Variants in OTUD3 observed in about 807,000 individuals in gnomAD.
OTUD3 encodes the protein OTU deubiquitinase 3.
In OTUD3, 24 loss-of-function variants were observed where a neutral mutation model predicts 46.2. The observed-to-expected ratio is 0.52, with a 90% CI of 0.38 to 0.73. OTUD3 has a LOEUF of 0.73. Among genes scored for constraint, OTUD3 ranks in the 30% least tolerant of loss-of-function variants. The pLI is 0.00. For missense variants in OTUD3, 455 were observed against 523.3 expected (o/e 0.87, Z 1.27); for synonymous variants, 189 against 195.4 (o/e 0.97, Z 0.27).
Position 19,904,986 on chromosome 1 carries a change from TAGTA to T in OTUD3, c.835+3_835+6del. 1.4e-6 allele frequency: 2 copies of T among 1,463,574 alleles called. No individual in the cohort carries two copies. Among genetic ancestry groups the T allele is most frequent in the Non-Finnish European group, 1.9e-6 (2 of 1,049,376 alleles). 90.7% of individuals were successfully genotyped at this position (1,463,574 alleles called of 1,614,324 possible). On this transcript the variant is annotated splice_donor_variant and splice_donor_region_variant and coding_sequence_variant and intron_variant, in exon 6 of 8. Transcript: ENST00000375120. LOFTEE classifies it high-confidence loss of function. ...TTCGGATGAACCAAGGGAAGAGAAA[TAGTA>T]AGTCCATGACTAATATTTATAGATC... is the stretch of plus-strand genomic sequence containing the variant.
chr1:19,905,231 G>A (rs1366304475), intron 6 of OTUD3, among the ~76,000 whole-genome samples: 1 of 152,088 alleles, frequency 6.6e-6, no homozygotes, highest in Non-Finnish European at 1.5e-5. Context: ...TACATAATGG[G>A]GTTGGGAGTA....
Position 19,907,975 on chromosome 1 carries a change from TA to T in OTUD3, c.*230del. The T allele has an allele frequency of 2.4e-6, 1 of 413,614 alleles. No homozygotes were observed. Among genetic ancestry groups the T allele is most frequent in the Non-Finnish European group, 4.3e-6 (1 of 232,740 alleles). The allele number at this position is 413,614 out of a possible 1,614,324, so 25.6% of individuals were successfully genotyped here. On this transcript the variant is annotated 3_prime_UTR_variant, in exon 8 of 8. Coordinates refer to ENST00000375120, the MANE Select transcript of OTUD3 (RefSeq NM_015207.2). ...CAGTGAGGCCATTCATATTCTGTAA[TA>T]CAAAATTAAAATACTGAGTTTTAGG...
At position 19,909,546 on chromosome 1, in the gene OTUD3, G is replaced by T. The variant is rs992523357; in HGVS notation, c.*1800G>T. ...TGCGTTAGGATCTATGGTTGTCTTGGTTTTCAACTCTGGGCAGATTCCTGA... is the reference window on the plus strand; with the variant it reads ...TGCGTTAGGATCTATGGTTGTCTTGTTTTTCAACTCTGGGCAGATTCCTGA... On this transcript the variant is annotated 3_prime_UTR_variant, in exon 8 of 8. Coordinates refer to ENST00000375120, the MANE Select transcript of OTUD3 (RefSeq NM_015207.2). 12 of 152,300 alleles carry T rather than the reference G, an allele frequency of 7.9e-5. No homozygotes were observed. The highest frequency in any genetic ancestry group is 2.7e-4 in the African/African-American group (11 of 41,440). The allele number at this position is 152,300 out of a possible 1,614,324, so 9.4% of individuals were successfully genotyped here. A position where few individuals can be genotyped will look rare whatever the true frequency, so the allele number is the denominator to read the frequency against.
At chr1:19,900,199 C>CTTTA (rs906222180) in intron 4 of OTUD3, among the ~76,000 whole-genome samples, 1 of 151,962 alleles carries the variant, frequency 6.6e-6, no homozygotes, top group African/African-American at 2.4e-5. Context: ...CATAGTTTCA[C>CTTTA]TTTATTTATT....
intron 1 of OTUD3, among the ~76,000 whole-genome samples, chr1:19,887,812 T>C (rs925465672): frequency 5.3e-5 from 8 of 152,162 alleles, no homozygotes; most frequent in Admixed American, 4.6e-4. Context: ...ATACAGTAAC[T>C]AGAATGGTAC....
In OTUD3 at chr1:19,907,480, A is replaced by G. The variant is rs1029204563; in HGVS notation, c.1021-90A>G. 98 of 1,269,094 alleles carry G rather than the reference A, an allele frequency of 7.7e-5. 1 individual carries two copies. The highest frequency in any genetic ancestry group is 1.9e-4 in the Admixed American group (10 of 51,322). The allele number at this position is 1,269,094 out of a possible 1,614,324, so 78.6% of individuals were successfully genotyped here. The stretch of plus-strand genomic sequence containing the variant: ...TTTTCCCTGTTCCTGCTGAAAAGCA[A>G]TCTGTGCCCTTTGCCACCATCTCCC... On this transcript the variant is annotated intron_variant, in intron 7 of 7. Transcript: ENST00000375120.
chr1:19,895,215 T>C (rs576387332), intron 3 of OTUD3, among the ~76,000 whole-genome samples: 1 of 152,230 alleles, frequency 6.6e-6, no homozygotes, highest in African/African-American at 2.4e-5. Context: ...TTTTTTCATA[T>C]GACACCTGCA....
intron 2 of OTUD3, among the ~76,000 whole-genome samples, chr1:19,893,260 C>A (rs2045473377): frequency 6.6e-6 from 1 of 152,144 alleles, no homozygotes; most frequent in South Asian, 2.1e-4. Context: ...TGGGGTCTCC[C>A]AGAACCTCCC....
At position 19,908,927 on chromosome 1, in the gene OTUD3, TTTGG is replaced by T. The variant is rs1431034628; in HGVS notation, c.*1185_*1188del. ...TGGACCAGCAGAGAAGAGAACATAC[TTTGG>T]TTGAGGCCTTCGAATCACTCTTCAG... On this transcript the variant is annotated 3_prime_UTR_variant, in exon 8 of 8. Transcript: ENST00000375120. 1.3e-5 allele frequency: 2 copies of T among 152,338 alleles called. No homozygotes were observed. The highest frequency in any genetic ancestry group is 2.1e-4 in the South Asian group (1 of 4,828). The allele number at this position is 152,338 out of a possible 1,614,324, so 9.4% of individuals were successfully genotyped here.
chr1:19,896,979 A>C (rs1180185625), intron 3 of OTUD3, among the ~76,000 whole-genome samples: 1 of 152,176 alleles, frequency 6.6e-6, no homozygotes, highest in Non-Finnish European at 1.5e-5. Context: ...GATGTTTCTC[A>C]TTTAGGTGGT....
chr1:19,903,007 A>G (rs2045610707), intron 4 of OTUD3, among the ~76,000 whole-genome samples: 1 of 149,734 alleles, frequency 6.7e-6, no homozygotes, highest in South Asian at 2.1e-4. Flanking sequence ...CACTATAAGT[A>G]ACACTGTTAG....
rs763789089 is a variant in OTUD3, at chr1:19,882,678, C to T, written c.165C>T (p.Ser55=). The part of the protein sequence containing the change: ...GGGGCEEEFV[S]FANQLQALGL... ...GCGGCTGCGAGGAGGAGTTCGTCAG[C>T]TTCGCCAACCAGCTGCAGGCCCTGG... The change falls in exon 1 of 8, where the codon AGC becomes AGT. Residue 55 remains serine (S), a synonymous_variant. Coordinates refer to ENST00000375120, the MANE Select transcript of OTUD3 (RefSeq NM_015207.2). 117 of 1,456,876 alleles carry T rather than the reference C, an allele frequency of 8.0e-5. No homozygotes were observed. In the African/African-American group the frequency reaches 1.5e-3, roughly 19 times the overall value. The allele number at this position is 1,456,876 out of a possible 1,614,324, so 90.2% of individuals were successfully genotyped here.
intron 4 of OTUD3, among the ~76,000 whole-genome samples, chr1:19,900,935 T>G (rs2045580459): frequency 6.7e-6 from 1 of 149,698 alleles, no homozygotes; most frequent in Non-Finnish European, 1.5e-5. Flanking sequence ...TTTTTTTTTT[T>G]GAGACAGAGT....
chr1:19,897,663 G>A lies in OTUD3; in HGVS notation c.606+1G>A, dbSNP rs1280779814. The A allele has an allele frequency of 1.2e-6, 2 of 1,612,064 alleles. No homozygotes were observed. The highest frequency in any genetic ancestry group is 3.3e-5 in the Admixed American group (2 of 59,744). ...GGCACCTGCACATCTCCAGACGGAT[G>A]TGAGTGAGGCCTCGGATTTCTCCCG... On this transcript the variant is annotated splice_donor_variant, in intron 4 of 7. Coordinates refer to ENST00000375120, the MANE Select transcript of OTUD3 (RefSeq NM_015207.2). LOFTEE classifies it high-confidence loss of function.
intron 3 of OTUD3, 84 bp from the exon 4 acceptor site, chr1:19,897,456 C>G (rs1417130399): frequency 4.0e-5 from 58 of 1,455,760 alleles, no homozygotes; most frequent in Non-Finnish European, 4.9e-5. Flanking sequence ...GACTGGGCTT[C>G]CTCAGCAGTC....
At chr1:19,887,223 T>A (rs2045376543) in intron 1 of OTUD3, among the ~76,000 whole-genome samples, 1 of 152,108 alleles carries the variant, frequency 6.6e-6, no homozygotes, top group Non-Finnish European at 1.5e-5. Context: ...TAGCTGGGAT[T>A]ACAGGCATGC....
At chr1:19,889,725 G>T (rs2045421433) in intron 1 of OTUD3, among the ~76,000 whole-genome samples, 7 of 152,136 alleles carry the variant, frequency 4.6e-5, no homozygotes, top group Admixed American at 4.6e-4. Flanking sequence ...TTTTCATTTG[G>T]CAGGAATAAC....
At chr1:19,895,979 A>C (rs2045512176) in intron 3 of OTUD3, among the ~76,000 whole-genome samples, 1 of 152,078 alleles carries the variant, frequency 6.6e-6, no homozygotes, top group African/African-American at 2.4e-5. Flanking sequence ...TGCATAGGTA[A>C]ATTTTTTTTT....
chr1:19,883,951 A>C (rs1462134240), intron 1 of OTUD3, among the ~76,000 whole-genome samples: 3 of 152,230 alleles, frequency 2.0e-5, no homozygotes. Flanking sequence ...CAAAGAGTTC[A>C]CCACACTTTG....
Sources: allele counts gnomAD v4.1 joint callset (sites outside exome capture counted in the v4.1 genomes callset), GRCh38; gene constraint gnomAD v4.1.1; transcripts MANE v1.5; gene names NCBI Gene and HGNC (gene_info 2026-07-23, HGNC 2026-07-21).